QSOX2: variants seen among roughly 807,000 people sequenced by gnomAD.
The protein encoded by QSOX2 is quiescin sulfhydryl oxidase 2.
A neutral mutation model predicts 61.7 loss-of-function variants in QSOX2; 46 were observed. The ratio of observed to expected loss-of-function variants is 0.75; its 90% confidence interval spans 0.59 to 0.95. The LOEUF (loss-of-function observed/expected upper bound fraction) is 0.95, where lower values mean the gene tolerates loss of function less well. Ranked by LOEUF, QSOX2 falls within the 40% of genes least tolerant of loss-of-function variation. The pLI is 0.00. For missense variants in QSOX2, 879 were observed against 918.9 expected (o/e 0.96, Z 0.56); for synonymous variants, 383 against 388.4 (o/e 0.99, Z 0.16).
At chr9:136,232,917 CAAAAAAA>C (rs60814748) in intron 1 of QSOX2, among the ~76,000 whole-genome samples, 11 of 45,518 alleles carry the variant, frequency 2.4e-4, no homozygotes, top group African/African-American at 3.7e-4. Flanking sequence ...GAACCTGTCT[CAAAAAAA>C]AAAAAAAAAA....
chr9:136,215,653 C>G (rs1267462735), intron 9 of QSOX2, among the ~76,000 whole-genome samples: 1 of 152,164 alleles, frequency 6.6e-6, no homozygotes. Flanking sequence ...GAAAAGGCAA[C>G]TAACAACAGA....
intron 1 of QSOX2, among the ~76,000 whole-genome samples, chr9:136,232,917 CAAAA>C (rs60814748): frequency 4.4e-5 from 2 of 45,514 alleles, no homozygotes; most frequent in African/African-American, 7.3e-5. Flanking sequence ...GAACCTGTCT[CAAAA>C]AAAAAAAAAA....
Position 136,207,342 on chromosome 9 carries a change from G to A in QSOX2, c.*1386C>T, listed in dbSNP as rs183438369. 5.4e-4 allele frequency: 78 copies of A among 144,884 alleles called. No homozygotes were observed. Among genetic ancestry groups the A allele is most frequent in the Non-Finnish European group, 8.5e-4 (57 of 66,946 alleles). 9.0% of individuals were successfully genotyped at this position (144,884 alleles called of 1,614,324 possible). On this transcript the variant is annotated 3_prime_UTR_variant, in exon 12 of 12. Coordinates refer to ENST00000358701, the MANE Select transcript of QSOX2 (RefSeq NM_181701.4). ...CAAAGCGGAAAAAATATCTACAACC[G>A]TCAAAGTCTCTCTCTCTCTCATACA...
At chr9:136,212,475 G>A (rs1271315295) in intron 10 of QSOX2, among the ~76,000 whole-genome samples, 2 of 152,254 alleles carry the variant, frequency 1.3e-5, no homozygotes, top group African/African-American at 4.8e-5. Context: ...TGACCTCAGC[G>A]TCCTGGTCGG....
chr9:136,235,919 A>T (rs939721279), intron 1 of QSOX2, among the ~76,000 whole-genome samples: 2 of 152,234 alleles, frequency 1.3e-5, no homozygotes, highest in Non-Finnish European at 2.9e-5. Context: ...CTCTGGCCTC[A>T]GCTTCGGGAG....
In QSOX2 at chr9:136,223,582, C is replaced by T. The variant is rs970037950; in HGVS notation, c.675+181G>A. ...GCTCATTCATCCTAACAGTCTTCTC[C>T]AGACACCAGTGACTTTGCTGAGTAA... On this transcript the variant is annotated intron_variant, in intron 5 of 11. Transcript: ENST00000358701. The surrounding 1 kb of genome is among the most constrained non-coding windows in gnomAD (Gnocchi z 4.4). 1.3e-5 allele frequency among the ~76,000 whole-genome samples: 2 copies of T among 152,166 alleles called. No homozygotes were observed. Among genetic ancestry groups the T allele is most frequent in the Non-Finnish European group, 2.9e-5 (2 of 68,040 alleles).
At position 136,207,075 on chromosome 9, in the gene QSOX2, C is replaced by T. The variant is rs1200409797; in HGVS notation, c.*1653G>A. On this transcript the variant is annotated 3_prime_UTR_variant, in exon 12 of 12. Transcript: ENST00000358701. ...AAAGTGTGAAACCAGAAGCAACTCT[C>T]GAGTGAGACACGAAGCAGCAGGCTG... is the stretch of plus-strand genomic sequence containing the variant. The T allele has an allele frequency of 6.6e-6, 1 of 152,338 alleles. No homozygotes were observed. Among genetic ancestry groups the T allele is most frequent in the African/African-American group, 2.4e-5 (1 of 41,434 alleles). 9.4% of individuals were successfully genotyped at this position (152,338 alleles called of 1,614,324 possible).
intron 1 of QSOX2, among the ~76,000 whole-genome samples, chr9:136,233,780 C>T (rs1034641483): frequency 7.2e-5 from 11 of 152,342 alleles, no homozygotes; most frequent in African/African-American, 2.6e-4. Flanking sequence ...CAAACACAAA[C>T]GCACCATCAC....
In QSOX2 at chr9:136,226,769, C is replaced by G; in HGVS notation, c.429+5G>C. 1 of 1,606,110 alleles carries G rather than the reference C, an allele frequency of 6.2e-7. No homozygotes were observed. The highest frequency in any genetic ancestry group is 2.2e-5 in the East Asian group (1 of 44,844). ...TCAACGGACAAGCAGCCGCGTGATA[C>G]TCACCCGGAAGGTGGGGTAGAAGTG... On this transcript the variant is annotated splice_donor_5th_base_variant and intron_variant, in intron 2 of 11. Transcript: ENST00000358701.
rs1564290672 is a variant in QSOX2 at position 136,216,728 on chromosome 9, T to C, written c.1087-6A>G. ...GGCGGCCGTCCAGGGAACAGCTGCATGAGGAAGGAGCCACCTGAGAGCTAC... is the reference window on the plus strand; with the variant it reads ...GGCGGCCGTCCAGGGAACAGCTGCACGAGGAAGGAGCCACCTGAGAGCTAC... On this transcript the variant is annotated splice_region_variant and splice_polypyrimidine_tract_variant and intron_variant, in intron 8 of 11. Coordinates refer to ENST00000358701, the MANE Select transcript of QSOX2 (RefSeq NM_181701.4). 6.2e-7 allele frequency: 1 copy of C among 1,612,836 alleles called. No homozygotes were observed. The highest frequency in any genetic ancestry group is 2.2e-5 in the East Asian group (1 of 44,858).
intron 11 of QSOX2, chr9:136,210,295 G>A (rs1013136197): frequency 1.0e-6 from 1 of 985,390 alleles, no homozygotes; most frequent in African/African-American, 1.7e-5. Context: ...AGGTGGGACT[G>A]GAGTGGGAAT....
intron 1 of QSOX2, among the ~76,000 whole-genome samples, chr9:136,235,720 C>A (rs4842133): frequency 0.28 from 42,048 of 152,096 alleles, 5,846 homozygotes; most frequent in Admixed American, 0.35. Flanking sequence ...CTCTCCCTCG[C>A]GCTGGGTCAC....
intron 1 of QSOX2, among the ~76,000 whole-genome samples, chr9:136,239,702 A>G (rs1464807247): frequency 6.6e-6 from 1 of 152,210 alleles, no homozygotes; most frequent in Non-Finnish European, 1.5e-5. Context: ...CACCCCACTC[A>G]GGGTCAGTCC....
chr9:136,213,039 A>G (rs937870048), intron 10 of QSOX2, among the ~76,000 whole-genome samples: 20 of 151,346 alleles, frequency 1.3e-4, no homozygotes, highest in African/African-American at 4.4e-4. Context: ...AAAATCAAAT[A>G]CCCCGGTCAC....
intron 1 of QSOX2, among the ~76,000 whole-genome samples, chr9:136,233,116 C>T (rs753277322): frequency 5.3e-5 from 8 of 152,002 alleles, no homozygotes; most frequent in South Asian, 2.1e-4. Context: ...CACACGCTGC[C>T]GGGTGTATCA....
chr9:136,223,862 A>AG lies in QSOX2; in HGVS notation c.585-10dup, dbSNP rs1267623448. The AG allele has an allele frequency of 1.2e-6, 2 of 1,613,774 alleles. No individual in the cohort carries two copies. The highest frequency in any genetic ancestry group is 3.3e-5 in the Admixed American group (2 of 59,978). The stretch of plus-strand genomic sequence containing the variant: ...AAAGAACATCACTGGGCCTTTCAAG[A>AG]GGAAAAAAAGAGGCTTTTAGTGCCG... On this transcript the variant is annotated splice_polypyrimidine_tract_variant and intron_variant, in intron 4 of 11. Coordinates refer to ENST00000358701, the MANE Select transcript of QSOX2 (RefSeq NM_181701.4). The surrounding 1 kb of genome is among the most constrained non-coding windows in gnomAD (Gnocchi z 4.4).
At chr9:136,232,263 C>T (rs972377340) in intron 1 of QSOX2, among the ~76,000 whole-genome samples, 1 of 152,180 alleles carries the variant, frequency 6.6e-6, no homozygotes, top group Non-Finnish European at 1.5e-5. Flanking sequence ...ACAGGGCAGG[C>T]AGCCTCCCTC....
At chr9:136,226,075 G>T (rs1203800354) in intron 2 of QSOX2, among the ~76,000 whole-genome samples, 2 of 152,184 alleles carry the variant, frequency 1.3e-5, no homozygotes, top group Non-Finnish European at 2.9e-5. Context: ...AAATACAAGC[G>T]AAGCCACCAT....
At chr9:136,241,555 TC>T (rs946410523) in intron 1 of QSOX2, among the ~76,000 whole-genome samples, 2 of 152,034 alleles carry the variant, frequency 1.3e-5, no homozygotes, top group Non-Finnish European at 2.9e-5. Context: ...CCCCCACCTG[TC>T]CTCTACAAAG....
Sources: allele counts gnomAD v4.1 joint callset (sites outside exome capture counted in the v4.1 genomes callset), GRCh38; gene constraint gnomAD v4.1.1; non-coding constraint Gnocchi (gnomAD v3.1); transcripts MANE v1.5; gene names NCBI Gene and HGNC (gene_info 2026-07-23, HGNC 2026-07-21).